The following DISP3 variants were observed in gnomAD, a reference collection of about 807,000 sequenced individuals.
The protein encoded by DISP3 is protein dispatched homolog 3.
A neutral mutation model predicts 135.3 loss-of-function variants in DISP3; 101 were observed. The observed-to-expected ratio is 0.75, with a 90% confidence interval of 0.64 to 0.88. DISP3 has a LOEUF of 0.88. Ranked by LOEUF, DISP3 falls within the 40% of genes least tolerant of loss-of-function variation. The pLI, the probability that DISP3 is intolerant of heterozygous loss-of-function variation, is 0.00. For missense variants in DISP3, 1,713 were observed against 1,878.6 expected (o/e 0.91, Z 1.63); for synonymous variants, 856 against 817.0 (o/e 1.05, Z -0.81).
intron 17 of DISP3, 105 bp from the exon 18 acceptor site, chr1:11,534,276 C>G (rs1446512895): frequency 2.9e-6 from 4 of 1,379,572 alleles, no homozygotes; most frequent in Non-Finnish European, 3.1e-6. Context: ...CTCCCCAACA[C>G]ACGCACCACT....
intron 1 of DISP3, among the ~76,000 whole-genome samples, chr1:11,485,884 C>T (rs1339898898): frequency 6.6e-6 from 1 of 152,140 alleles, no homozygotes; most frequent in Admixed American, 6.5e-5. Flanking sequence ...ACCCAGCTGC[C>T]ATGCGCACAA....
intron 1 of DISP3, among the ~76,000 whole-genome samples, chr1:11,496,365 T>TGA (rs897901057): frequency 1.3e-5 from 2 of 152,020 alleles, no homozygotes; most frequent in Non-Finnish European, 2.9e-5. Flanking sequence ...CCTGTATGTG[T>TGA]GAGAGAGAGA....
chr1:11,501,812 C>A lies in DISP3; in HGVS notation c.820C>A (p.Arg274Ser). The change falls in exon 2 of 21, where the codon CGC (arginine) becomes AGC (serine). Residue 274 changes from arginine to serine, a missense_variant. Arg to Ser is a moderately radical substitution (Grantham distance 110). This residue lies in a region of DISP3 where 571 missense variants were observed against 494.1 expected (regional missense o/e 1.16). Coordinates refer to ENST00000294484, the MANE Select transcript of DISP3 (RefSeq NM_020780.2). This position sits in a 1 kb window ranked among gnomAD's most constrained non-coding sequence, Gnocchi z 4.9. ...CAACACTCAGACGCACGCGCACTGGCGCATCGAGCTCATCTTCCTGGCGCG... is the reference window on the plus strand; with the variant it reads ...CAACACTCAGACGCACGCGCACTGGAGCATCGAGCTCATCTTCCTGGCGCG... Reference protein sequence around the residue: ...SANTQTHAHWRIELIFLARGD... With the variant: ...SANTQTHAHWSIELIFLARGD... 1 of 1,608,370 alleles carries A rather than the reference C, an allele frequency of 6.2e-7. No homozygotes were observed.
chr1:11,529,962 A>G lies in DISP3; in HGVS notation c.3102+3A>G, dbSNP rs765840053. ...ACAACCACGTCATTGGAGACCCGGT[A>G]CGGGGCATGCGTCGGGCAGATGCCG... On this transcript the variant is annotated splice_donor_region_variant and intron_variant, in intron 15 of 20. Transcript: ENST00000294484. This position sits in a 1 kb window ranked among gnomAD's most constrained non-coding sequence, Gnocchi z 4.7. The G allele has an allele frequency of 6.2e-7, 1 of 1,611,728 alleles. No individual in the cohort carries two copies. Among genetic ancestry groups the G allele is most frequent in the East Asian group, 2.2e-5 (1 of 44,876 alleles).
At chr1:11,528,357 C>T (rs749165681) in intron 13 of DISP3, among the ~76,000 whole-genome samples, 3 of 152,170 alleles carry the variant, frequency 2.0e-5, no homozygotes, top group Non-Finnish European at 4.4e-5. Context: ...TTTCATTCCC[C>T]ATGTTGTAAA....
At chr1:11,484,588 G>A (rs1263602644) in intron 1 of DISP3, among the ~76,000 whole-genome samples, 1 of 152,212 alleles carries the variant, frequency 6.6e-6, no homozygotes, top group Non-Finnish European at 1.5e-5. Flanking sequence ...AGATGCTGGA[G>A]AGGGTCTCGT....
At position 11,501,186 on chromosome 1, in the gene DISP3, G is replaced by A. The variant is rs758971872; in HGVS notation, c.194G>A (p.Gly65Asp). The change falls in exon 2 of 21, where the codon GGC becomes GAC. Residue 65 changes from glycine to aspartate, a missense_variant. Gly to Asp is a moderately conservative substitution (Grantham distance 94). This residue lies in a region of DISP3 where 571 missense variants were observed against 494.1 expected (regional missense o/e 1.16). Coordinates refer to ENST00000294484, the MANE Select transcript of DISP3 (RefSeq NM_020780.2). This position sits in a 1 kb window ranked among gnomAD's most constrained non-coding sequence, Gnocchi z 4.9. ...PPASGFWSTL[G>D]WAFTNPCCAG... Reference sequence around the variant, plus strand: ...GCTTCGGGCTTCTGGAGTACCCTGGGCTGGGCCTTCACCAATCCGTGCTGT... The same window carrying A: ...GCTTCGGGCTTCTGGAGTACCCTGGACTGGGCCTTCACCAATCCGTGCTGT... The A allele has an allele frequency of 4.3e-6, 7 of 1,614,024 alleles. No individual in the cohort carries two copies. The highest frequency in any genetic ancestry group is 2.2e-5 in the East Asian group (1 of 44,864).
At position 11,499,481 on chromosome 1, in the gene DISP3, C is replaced by A. The variant is rs1157594876; in HGVS notation, c.-3-1509C>A. Reference sequence around the variant, plus strand: ...AATCGGGACTCAGAGCAGTTACCATCCCCTCGGCAAGCTGGCAGGCTCGTG... The same window carrying A: ...AATCGGGACTCAGAGCAGTTACCATACCCTCGGCAAGCTGGCAGGCTCGTG... On this transcript the variant is annotated intron_variant, in intron 1 of 20. Transcript: ENST00000294484. This position sits in a 1 kb window ranked among gnomAD's most constrained non-coding sequence, Gnocchi z 5.2. 6.6e-6 allele frequency among the ~76,000 whole-genome samples: 1 copy of A among 152,166 alleles called. No homozygotes were observed.
At position 11,501,009 on chromosome 1, in the gene DISP3, A is replaced by G. The variant is rs1279690699; in HGVS notation, c.17A>G (p.Asp6Gly). The change falls in exon 2 of 21, where the codon GAC becomes GGC. Residue 6 changes from aspartate to glycine, a missense_variant. This residue lies in a region of DISP3 where 571 missense variants were observed against 494.1 expected (regional missense o/e 1.16). Transcript: ENST00000294484. The surrounding 1 kb of genome is among the most constrained non-coding windows in gnomAD (Gnocchi z 4.9). ...CTGCAGACTATGGACACGGAGGATG[A>G]CCCCTTGCTGCAGGATGTGTGGCTA... Reference protein sequence around the residue: MDTEDDPLLQDVWLEE... With the variant: MDTEDGPLLQDVWLEE... 4 of 1,613,910 alleles carry G rather than the reference A, an allele frequency of 2.5e-6. No homozygotes were observed. The highest frequency in any genetic ancestry group is 1.1e-5 in the South Asian group (1 of 91,076).
chr1:11,531,238 TG>T lies in DISP3; in HGVS notation c.3229+206del, dbSNP rs1642569236. ...GGGTTTTTGGATGTGAGCAGGCTTG[TG>T]TGTGAACAGGACTGGTGCAGAGGTG... On this transcript the variant is annotated intron_variant, in intron 16 of 20. Coordinates refer to ENST00000294484, the MANE Select transcript of DISP3 (RefSeq NM_020780.2). The surrounding 1 kb of genome is among the most constrained non-coding windows in gnomAD (Gnocchi z 5.2). Among the ~76,000 whole-genome samples the T allele has an allele frequency of 6.6e-6, 1 of 152,056 alleles. No individual in the cohort carries two copies. Among genetic ancestry groups the T allele is most frequent in the African/African-American group, 2.4e-5 (1 of 41,386 alleles).
chr1:11,536,337 A>G lies in DISP3; in HGVS notation c.3830A>G (p.Gln1277Arg). 6.2e-7 allele frequency: 1 copy of G among 1,601,202 alleles called. No individual in the cohort carries two copies. Among genetic ancestry groups the G allele is most frequent in the Non-Finnish European group, 8.5e-7 (1 of 1,179,044 alleles). Residue 1277 changes from glutamine to arginine, a missense_variant, in exon 21 of 21, where the codon CAG becomes CGG. Physicochemically the swap from Gln to Arg is conservative, Grantham distance 43 (BLOSUM62 1). Coordinates refer to ENST00000294484, the MANE Select transcript of DISP3 (RefSeq NM_020780.2). The surrounding 1 kb of genome is among the most constrained non-coding windows in gnomAD (Gnocchi z 4.3). ...PPHQAEDARTQRQWRTLEAVR... is the reference protein window; with the variant it reads ...PPHQAEDARTRRQWRTLEAVR... ...TCTTGCCCCCAGGACGCCCGAACGCAGCGCCAGTGGCGTACGCTGGAGGCC... is the reference window on the plus strand; with the variant it reads ...TCTTGCCCCCAGGACGCCCGAACGCGGCGCCAGTGGCGTACGCTGGAGGCC...
chr1:11,523,658 CA>C (rs1259939801), intron 10 of DISP3, among the ~76,000 whole-genome samples: 3 of 142,822 alleles, frequency 2.1e-5, no homozygotes, highest in African/African-American at 7.8e-5. Flanking sequence ...AGACAGCAAG[CA>C]GGGGGCAGAG....
In DISP3 at chr1:11,536,573, TTCC is replaced by T; in HGVS notation, c.4069_4071del (p.Leu1357del). The T allele has an allele frequency of 1.2e-6, 2 of 1,612,380 alleles. No homozygotes were observed. On this transcript the variant is annotated inframe_deletion, in exon 21 of 21. Transcript: ENST00000294484. This position sits in a 1 kb window ranked among gnomAD's most constrained non-coding sequence, Gnocchi z 4.3. The stretch of plus-strand genomic sequence containing the variant: ...CTCTTTCACTCGGACCCGGACTTCC[TTCC>T]TCAAGGCCCTGGGTGCCGTGCTGCT...
intron 1 of DISP3, among the ~76,000 whole-genome samples, chr1:11,480,677 G>A (rs1200009683): frequency 4.9e-5 from 7 of 142,632 alleles, no homozygotes; most frequent in African/African-American, 1.8e-4. Flanking sequence ...GCGCGCGCGT[G>A]CACACACACA....
At chr1:11,523,414 G>A (rs777142393) in intron 10 of DISP3, among the ~76,000 whole-genome samples, 26 of 152,158 alleles carry the variant, frequency 1.7e-4, no homozygotes, top group Non-Finnish European at 2.2e-4. Context: ...ATCTCCACCC[G>A]ACAGAGGCGG....
intron 7 of DISP3, among the ~76,000 whole-genome samples, chr1:11,518,134 G>A (rs1422543746): frequency 2.0e-5 from 3 of 152,216 alleles, no homozygotes; most frequent in Non-Finnish European, 4.4e-5. Flanking sequence ...GAAGATGGAG[G>A]TGGATGGTGG....
rs1642372988 is a variant in DISP3 at position 11,525,066 on chromosome 1, G to A, written c.2477-110G>A. On this transcript the variant is annotated intron_variant, in intron 11 of 20. Coordinates refer to ENST00000294484, the MANE Select transcript of DISP3 (RefSeq NM_020780.2). ...AGCCAGCATTTTGAGATGAGCCCAA[G>A]GCCAGGACTGAGCTCGTTAGTCGAC... 3.7e-6 allele frequency: 5 copies of A among 1,367,904 alleles called. No individual in the cohort carries two copies. The Admixed American group carries it at 9.1e-5, about 25-fold the overall frequency. 84.7% of individuals were successfully genotyped at this position (1,367,904 alleles called of 1,614,324 possible). A position where few individuals can be genotyped will look rare whatever the true frequency, so the allele number is the denominator to read the frequency against.
intron 3 of DISP3, among the ~76,000 whole-genome samples, chr1:11,508,603 A>C (rs981014709): frequency 1.2e-4 from 18 of 151,878 alleles, no homozygotes; most frequent in African/African-American, 4.1e-4. Flanking sequence ...TTTTGGTTTC[A>C]TTGATTTTCT....
chr1:11,492,412 C>T (rs1293020598), intron 1 of DISP3, among the ~76,000 whole-genome samples: 3 of 152,080 alleles, frequency 2.0e-5, no homozygotes, highest in Non-Finnish European at 4.4e-5. Flanking sequence ...TTGGGTTTTT[C>T]GAGTCAGCGC....
Sources: gnomAD v4.1 joint callset for allele counts (sites outside exome capture counted in the v4.1 genomes callset) on GRCh38, gnomAD v4.1.1 for gene constraint, gnomAD v4.1.1 regional missense constraint, Gnocchi (gnomAD v3.1) non-coding constraint, MANE v1.5 for transcripts, NCBI Gene and HGNC (gene_info 2026-07-23, HGNC 2026-07-21) for gene names.